GUSB: variants seen among roughly 807,000 people sequenced by gnomAD.
GUSB encodes the protein glucuronidase beta.
A neutral mutation model predicts 74.6 loss-of-function variants in GUSB; 51 were observed. That is an observed-to-expected ratio of 0.68 (90% CI 0.55 to 0.86). The LOEUF (loss-of-function observed/expected upper bound fraction) is 0.86. GUSB is among the 40% of genes least tolerant of loss of function. The probability of loss-of-function intolerance (pLI) is 0.00; values close to 1 mark genes in which losing one functional copy is unlikely to be tolerated. For missense variants in GUSB, 736 were observed against 853.7 expected, an observed-to-expected ratio of 0.86 and a Z score of 1.72; for synonymous variants, 360 against 348.3, an observed-to-expected ratio of 1.03 and a Z score of -0.37.
chr7:65,974,810 GC>G, intron 6 of GUSB, 106 bp from the exon 7 acceptor site: 1 of 1,550,866 alleles, frequency 6.4e-7, no homozygotes, highest in Non-Finnish European at 8.9e-7. Flanking sequence ...TCCATTTGGA[GC>G]CATTTGCCTC....
intron 10 of GUSB, among the ~76,000 whole-genome samples, chr7:65,966,549 T>C (rs1790850355): frequency 6.6e-6 from 1 of 152,138 alleles, no homozygotes; most frequent in Non-Finnish European, 1.5e-5. Context: ...TCCCAGCACT[T>C]TGGGAGTCTG....
intron 8 of GUSB, among the ~76,000 whole-genome samples, chr7:65,973,096 T>G (rs1308042606): frequency 2.6e-5 from 4 of 152,094 alleles, no homozygotes; most frequent in Non-Finnish European, 5.9e-5. Context: ...TTTGGGAAGG[T>G]GAGGCAGGAG....
At chr7:65,964,119 T>G (rs1248048893) in intron 11 of GUSB, 1 of 619,896 alleles carries the variant, frequency 1.6e-6, no homozygotes, top group African/African-American at 1.8e-5. Context: ...TTGACCGTAT[T>G]TGGGAGGCGG....
At chr7:65,979,280 G>A (rs1231314392) in intron 4 of GUSB, 119 bp downstream of exon 4, 1 of 1,024,750 alleles carries the variant, frequency 9.8e-7, no homozygotes, top group African/African-American at 1.6e-5. Context: ...ATAGGTGGAA[G>A]GGAATCTGTG....
intron 4 of GUSB, among the ~76,000 whole-genome samples, chr7:65,977,617 G>A (rs1374656567): frequency 6.6e-6 from 1 of 150,814 alleles, no homozygotes; most frequent in Non-Finnish European, 1.5e-5. Context: ...CTCAAACTTT[G>A]CAGCTAAAGC....
intron 11 of GUSB, among the ~76,000 whole-genome samples, chr7:65,962,561 A>G (rs1180093147): frequency 6.6e-6 from 1 of 152,092 alleles, no homozygotes; most frequent in Non-Finnish European, 1.5e-5. Context: ...GATGCAGCTC[A>G]TTTCTTTTTT....
In GUSB at chr7:65,979,780, G is replaced by A; in HGVS notation, c.528C>T (p.Leu176=). 6.2e-7 allele frequency: 1 copy of A among 1,613,828 alleles called. No individual in the cohort carries two copies. The highest frequency in any genetic ancestry group is 8.5e-7 in the Non-Finnish European group (1 of 1,180,008). Reference sequence around the variant, plus strand: ...TCCCTGGTGGCAGGGTGGTGGGGGTGAGTGTGTTGTTGATGGCGATAGTGA... The same window carrying A: ...TCCCTGGTGGCAGGGTGGTGGGGGTAAGTGTGTTGTTGATGGCGATAGTGA... The part of the protein sequence containing the change: ...LRITIAINNT[L]TPTTLPPGTI... The change falls in exon 3 of 12, where the codon CTC becomes CTT. Residue 176 remains leucine, a synonymous_variant. Transcript: ENST00000304895.
At chr7:65,975,124 C>T (rs1269802693) in intron 5 of GUSB, 53 bp from the exon 6 acceptor site, 26 of 1,570,644 alleles carry the variant, frequency 1.7e-5, no homozygotes, top group South Asian at 1.4e-4. Context: ...GAGCCCCATC[C>T]GGCCTGCCCT....
Position 65,964,419 on chromosome 7 carries a change from G to C in GUSB, c.1693C>G (p.Leu565Val). ...LMFTEEYQKS[L>V]LEQYHLGLDQ... ...AGACCCAGATGGTACTGCTCTAGCA[G>C]ACTTTTCTGGTACTCTTCAGTGAAC... Residue 565 changes from leucine (L) to valine (V), a missense_variant, in exon 11 of 12, where the codon CTG becomes GTG. This residue lies in a region of GUSB where 368 missense variants were observed against 489.9 expected (regional missense o/e 0.75). Transcript: ENST00000304895. 6.2e-7 allele frequency: 1 copy of C among 1,610,838 alleles called. No individual in the cohort carries two copies. The highest frequency in any genetic ancestry group is 8.5e-7 in the Non-Finnish European group (1 of 1,178,762).
rs1791766244 is a variant in GUSB, at chr7:65,978,710, T to C, written c.724+689A>G. On this transcript the variant is annotated intron_variant, in intron 4 of 11. Coordinates refer to ENST00000304895, the MANE Select transcript of GUSB (RefSeq NM_000181.4). ...TCGCTTGAACCCGGGAGGCAGAGGT[T>C]GCAGTGAGCCAAGATCACGCCATCG... 2.7e-5 allele frequency among the ~76,000 whole-genome samples: 4 copies of C among 150,260 alleles called. 1 individual carries two copies. Among genetic ancestry groups the C allele is most frequent in the African/African-American group, 9.8e-5 (4 of 40,698 alleles).
At chr7:65,961,935 G>C (rs6460266) in intron 11 of GUSB, among the ~76,000 whole-genome samples, 48,873 of 151,572 alleles carry the variant, frequency 0.32, 8,923 homozygotes, top group East Asian at 0.46. Context: ...CCAGGACGCA[G>C]AGGTTGCAGT....
At chr7:65,975,920 G>T in intron 5 of GUSB, 95 bp downstream of exon 5, 3 of 942,380 alleles carry the variant, frequency 3.2e-6, no homozygotes, top group Non-Finnish European at 3.3e-6. Context: ...AGAGGACCAT[G>T]CCTGCCCATC....
intron 8 of GUSB, among the ~76,000 whole-genome samples, chr7:65,970,942 T>G (rs1791165248): frequency 6.6e-6 from 1 of 151,360 alleles, no homozygotes; most frequent in South Asian, 2.1e-4. Context: ...GAGCCGCTGC[T>G]TTCTTCCCTA....
intron 4 of GUSB, 101 bp downstream of exon 4, chr7:65,979,298 A>C: frequency 8.8e-7 from 1 of 1,140,228 alleles, no homozygotes; most frequent in Non-Finnish European, 1.3e-6. Context: ...GTGAGGGTGT[A>C]GAGATGCTGG....
At chr7:65,973,561 T>TG (rs2115940025) in intron 8 of GUSB, among the ~76,000 whole-genome samples, 2 of 151,926 alleles carry the variant, frequency 1.3e-5, no homozygotes, top group Middle Eastern at 3.4e-3. Context: ...CACTCCAGCC[T>TG]GGCCACGGAG....
Position 65,960,809 on chromosome 7 carries a change from G to C in GUSB, c.*88C>G, listed in dbSNP as rs960705802. 2.7e-6 allele frequency: 3 copies of C among 1,092,456 alleles called. No homozygotes were observed. The African/African-American group carries it at 4.6e-5, about 17-fold the overall frequency. The allele number at this position is 1,092,456 out of a possible 1,614,324, so 67.7% of individuals were successfully genotyped here. ...CAGGCCAGAAACGTTCTGGTCTGCC[G>C]TGAACAGTCCAGGAGGCACTTGTTC... On this transcript the variant is annotated 3_prime_UTR_variant, in exon 12 of 12. Transcript: ENST00000304895.
intron 4 of GUSB, 143 bp downstream of exon 4, chr7:65,979,256 T>C: frequency 1.1e-6 from 1 of 913,710 alleles, no homozygotes; most frequent in South Asian, 1.3e-5. Flanking sequence ...TCACACAGGC[T>C]GAATTTTAGC....
Position 65,964,404 on chromosome 7 carries a change from G to A in GUSB, c.1708C>T (p.His570Tyr). 6.2e-7 allele frequency: 1 copy of A among 1,609,946 alleles called. No homozygotes were observed. Among genetic ancestry groups the A allele is most frequent in the East Asian group, 2.2e-5 (1 of 44,876 alleles). Residue 570 changes from histidine (H) to tyrosine (Y), a missense_variant, in exon 11 of 12, where the codon CAT becomes TAT. Coordinates refer to ENST00000304895, the MANE Select transcript of GUSB (RefSeq NM_000181.4). Reference sequence around the variant, plus strand: ...CTGCGTTTTTGATCCAGACCCAGATGGTACTGCTCTAGCAGACTTTTCTGG... The same window carrying A: ...CTGCGTTTTTGATCCAGACCCAGATAGTACTGCTCTAGCAGACTTTTCTGG... ...EYQKSLLEQY[H>Y]LGLDQKRRKY...
At chr7:65,981,845 G>C in intron 1 of GUSB, 129 bp downstream of exon 1, 1 of 827,384 alleles carries the variant, frequency 1.2e-6, no homozygotes, top group Middle Eastern at 3.7e-4. Context: ...CCCCAAGCCC[G>C]TTGACCTTTA....
Sources: allele counts gnomAD v4.1 joint callset (sites outside exome capture counted in the v4.1 genomes callset), GRCh38; gene constraint gnomAD v4.1.1; regional missense constraint gnomAD v4.1.1; transcripts MANE v1.5; gene names NCBI Gene and HGNC (gene_info 2026-07-23, HGNC 2026-07-21).